FAM13A: variants seen among roughly 807,000 people sequenced by gnomAD.
The protein encoded by FAM13A is family with sequence similarity 13 member A.
Under a neutral mutation model 129.6 loss-of-function variants are expected in FAM13A, and 76 were observed. The observed-to-expected ratio is 0.59, with a 90% CI of 0.49 to 0.71. The LOEUF (loss-of-function observed/expected upper bound fraction) is 0.71. Among genes scored for constraint, FAM13A ranks in the 30% least tolerant of loss-of-function variants. The pLI is 0.00. For synonymous variants in FAM13A, 443 were observed against 449.9 expected, an observed-to-expected ratio of 0.98 and a Z score of 0.20; for missense variants, 1,108 against 1,249.3, an observed-to-expected ratio of 0.89 and a Z score of 1.70.
At chr4:88,940,313 T>C (rs919398195) in intron 4 of FAM13A, among the ~76,000 whole-genome samples, 7 of 151,782 alleles carry the variant, frequency 4.6e-5, no homozygotes, top group African/African-American at 1.7e-4. Context: ...TACTGGAAAT[T>C]GGAGCAATGG....
intron 5 of FAM13A, among the ~76,000 whole-genome samples, chr4:88,935,309 A>G (rs760323526): frequency 6.6e-6 from 1 of 152,244 alleles, no homozygotes; most frequent in African/African-American, 2.4e-5. Context: ...GCAAGAATAT[A>G]TAAGAAACTT....
At chr4:88,788,078 T>C (rs1435058164) in intron 9 of FAM13A, 146 bp from the exon 10 acceptor site, 2 of 573,256 alleles carry the variant, frequency 3.5e-6, no homozygotes, top group African/African-American at 3.9e-5. Flanking sequence ...GATGAGGCAT[T>C]AATCTAAAAA....
chr4:88,924,823 T>C (rs1420874390), intron 5 of FAM13A, among the ~76,000 whole-genome samples: 1 of 149,946 alleles, frequency 6.7e-6, no homozygotes, highest in African/African-American at 2.4e-5. Context: ...AGGGCTAATA[T>C]CCAGAATCTA....
intron 4 of FAM13A, among the ~76,000 whole-genome samples, chr4:88,963,114 A>T (rs988345619): frequency 6.6e-6 from 1 of 152,020 alleles, no homozygotes; most frequent in African/African-American, 2.4e-5. Flanking sequence ...ATTTTTATGA[A>T]ACTAATGTTA....
At chr4:88,935,698 A>G (rs1753738034) in intron 5 of FAM13A, among the ~76,000 whole-genome samples, 1 of 152,130 alleles carries the variant, frequency 6.6e-6, no homozygotes, top group East Asian at 1.9e-4. Context: ...TGATCTTTAC[A>G]ATTTTCAAAA....
At chr4:88,918,607 T>C (rs936101025) in intron 5 of FAM13A, among the ~76,000 whole-genome samples, 6 of 152,232 alleles carry the variant, frequency 3.9e-5, no homozygotes, top group African/African-American at 1.4e-4. Context: ...CAGGGAATCG[T>C]AACAAATAAT....
At chr4:88,917,423 G>T (rs117578729) in intron 5 of FAM13A, among the ~76,000 whole-genome samples, 2 of 152,034 alleles carry the variant, frequency 1.3e-5, no homozygotes, top group Admixed American at 6.5e-5. Flanking sequence ...CACCTCCAAC[G>T]CTGAGGACCA....
intron 2 of FAM13A, 101 bp from the exon 3 acceptor site, chr4:89,020,770 C>T: frequency 1.4e-6 from 1 of 736,652 alleles, no homozygotes; most frequent in Non-Finnish European, 2.3e-6. Context: ...GCATATGATT[C>T]TCTCAACACT....
At chr4:88,970,295 T>C (rs537311047) in intron 4 of FAM13A, among the ~76,000 whole-genome samples, 8 of 152,292 alleles carry the variant, frequency 5.3e-5, no homozygotes, top group African/African-American at 1.4e-4. Context: ...GTTGCCCATC[T>C]TTAGATTCTT....
chr4:88,764,522 T>C (rs1004669733), intron 13 of FAM13A, among the ~76,000 whole-genome samples: 6 of 152,200 alleles, frequency 3.9e-5, no homozygotes, highest in Non-Finnish European at 8.8e-5. Flanking sequence ...ATAAACTCCC[T>C]TGGAAACAGA....
At chr4:88,763,076 A>G (rs186754216) in intron 13 of FAM13A, among the ~76,000 whole-genome samples, 122 of 152,322 alleles carry the variant, frequency 8.0e-4, no homozygotes, top group Non-Finnish European at 1.5e-3. Flanking sequence ...GCAGAGACTC[A>G]TGTTTAGATA....
chr4:88,881,082 C>T lies in FAM13A; in HGVS notation c.843+25297G>A, dbSNP rs72874108. Reference sequence around the variant, plus strand: ...CAATGGACATAATTTCTTGGGAGCTCTATGGCGCTGCCCACCGCCTAATCC... The same window carrying T: ...CAATGGACATAATTTCTTGGGAGCTTTATGGCGCTGCCCACCGCCTAATCC... On this transcript the variant is annotated intron_variant, in intron 6 of 23. Coordinates refer to ENST00000264344, the MANE Select transcript of FAM13A (RefSeq NM_014883.4). Among the ~76,000 whole-genome samples, 1,454 of 152,284 alleles carry T rather than the reference C, an allele frequency of 9.5e-3. 27 individuals are homozygous for T. The highest frequency in any genetic ancestry group is 0.033 in the African/African-American group (1,381 of 41,544).
chr4:88,768,556 C>T (rs572252277), intron 11 of FAM13A: 10 of 154,018 alleles, frequency 6.5e-5, no homozygotes, highest in African/African-American at 2.2e-4. Context: ...GGAGTATACA[C>T]ATTATATGTG....
rs575917717 is a variant in FAM13A at position 88,792,997 on chromosome 4, T to C, written c.1050-2370A>G. Among the ~76,000 whole-genome samples the C allele has an allele frequency of 3.9e-5, 6 of 152,152 alleles. No individual in the cohort carries two copies. The South Asian group carries it at 1.2e-3, about 32-fold the overall frequency. On this transcript the variant is annotated intron_variant, in intron 8 of 23. Coordinates refer to ENST00000264344, the MANE Select transcript of FAM13A (RefSeq NM_014883.4). ...ATTCTTAATGTGCATAGGAATCACC[T>C]TGGCACTTGTTAATACAGACTGTGA...
At chr4:89,000,546 C>G (rs1024627695) in intron 3 of FAM13A, among the ~76,000 whole-genome samples, 21 of 152,084 alleles carry the variant, frequency 1.4e-4, no homozygotes, top group African/African-American at 5.1e-4. Context: ...TGGGGAGTGA[C>G]TGCTAATGGG....
chr4:89,001,925 C>T (rs1291306304), intron 3 of FAM13A, among the ~76,000 whole-genome samples: 1 of 152,002 alleles, frequency 6.6e-6, no homozygotes, highest in Admixed American at 6.6e-5. Flanking sequence ...CAGTTACTGT[C>T]TAAATTATCA....
intron 2 of FAM13A, among the ~76,000 whole-genome samples, chr4:89,023,160 C>A (rs1579816281): frequency 1.3e-5 from 2 of 152,124 alleles, no homozygotes; most frequent in African/African-American, 4.8e-5. Flanking sequence ...TGTGGAATAT[C>A]AGGTTCTATT....
intron 5 of FAM13A, among the ~76,000 whole-genome samples, chr4:88,913,349 G>A (rs1749482175): frequency 7.0e-6 from 1 of 141,892 alleles, no homozygotes; most frequent in Non-Finnish European, 1.5e-5. Context: ...AGAGGAAGAA[G>A]AGGAGGAAGA....
intron 5 of FAM13A, among the ~76,000 whole-genome samples, chr4:88,914,112 T>C (rs1749685371): frequency 6.6e-6 from 1 of 152,136 alleles, no homozygotes; most frequent in African/African-American, 2.4e-5. Flanking sequence ...GATTCCTCCC[T>C]TTCCCATACC....
Sources: allele counts gnomAD v4.1 joint callset (sites outside exome capture counted in the v4.1 genomes callset), GRCh38; gene constraint gnomAD v4.1.1; transcripts MANE v1.5; gene names NCBI Gene and HGNC (gene_info 2026-07-23, HGNC 2026-07-21).